The following MRC2 variants were observed in gnomAD, a reference collection of about 807,000 sequenced individuals.
MRC2 encodes the protein C-type mannose receptor 2.
A neutral mutation model predicts 206.2 loss-of-function variants in MRC2; 84 were observed. The observed-to-expected ratio is 0.41, with a 90% CI of 0.34 to 0.49. The LOEUF (loss-of-function observed/expected upper bound fraction) is 0.49. MRC2 is among the 20% of genes least tolerant of loss of function. The pLI is 0.31. For synonymous variants in MRC2, 798 were observed against 800.0 expected, an observed-to-expected ratio of 1.00 and a Z score of 0.04; for missense variants, 1,676 against 2,001.5, an observed-to-expected ratio of 0.84 and a Z score of 3.10.
intron 1 of MRC2, among the ~76,000 whole-genome samples, chr17:62,663,246 CCCT>C (rs2088703051): frequency 6.7e-6 from 1 of 150,058 alleles, no homozygotes; most frequent in South Asian, 2.1e-4. Flanking sequence ...ATCCCTCCCT[CCCT>C]CCTTCCTCCC....
At chr17:62,655,240 C>T (rs748287147) in intron 1 of MRC2, among the ~76,000 whole-genome samples, 7 of 149,384 alleles carry the variant, frequency 4.7e-5, no homozygotes, top group Admixed American at 2.0e-4. Flanking sequence ...GAGTGGAGAT[C>T]GCTCCACTGC....
At chr17:62,629,315 T>C (rs1324417287) in intron 1 of MRC2, among the ~76,000 whole-genome samples, 2 of 151,858 alleles carry the variant, frequency 1.3e-5, no homozygotes, top group Non-Finnish European at 2.9e-5. Context: ...TGGGAGAGAG[T>C]TGTGGCCAGA....
At position 62,677,332 on chromosome 17, in the gene MRC2, A is replaced by G; in HGVS notation, c.1898A>G (p.Lys633Arg). The G allele has an allele frequency of 6.2e-7, 1 of 1,608,676 alleles. No individual in the cohort carries two copies. The change falls in exon 12 of 30, where the codon AAG becomes AGG. Residue 633 changes from lysine to arginine, a missense_variant. Around this residue, in one of 3 missense-constraint regions of MRC2, gnomAD observed 1,354 missense variants for 1,636.6 expected, o/e 0.83. Transcript: ENST00000303375. ...AGCGCCATGGGGCTGTGGGAGGTGA[A>G]GAACTGTACCTCGTTCCGGGCCCGC... Reference protein sequence around the residue: ...TGSAMGLWEVKNCTSFRARYI... With the variant: ...TGSAMGLWEVRNCTSFRARYI...
rs890199415 is a variant in MRC2 at position 62,629,325 on chromosome 17, A to G, written c.118+1405A>G. On this transcript the variant is annotated intron_variant, in intron 1 of 29. Coordinates refer to ENST00000303375, the MANE Select transcript of MRC2 (RefSeq NM_006039.5). ...GGCCCTGGGAGAGAGTTGTGGCCAG[A>G]GTGCTGACTCGGCCTTTCCCCCTGG... is the stretch of plus-strand genomic sequence containing the variant. Among the ~76,000 whole-genome samples, 17 of 152,156 alleles carry G rather than the reference A, an allele frequency of 1.1e-4. 1 individual carries two copies. The highest frequency in any genetic ancestry group is 5.2e-4 in the Admixed American group (8 of 15,278).
chr17:62,641,798 C>T (rs917766513), intron 1 of MRC2, among the ~76,000 whole-genome samples: 25 of 152,118 alleles, frequency 1.6e-4, no homozygotes, highest in African/African-American at 6.0e-4. Context: ...TCTCAAACCA[C>T]TGGAAAAACT....
intron 1 of MRC2, among the ~76,000 whole-genome samples, chr17:62,655,323 C>T (rs375535552): frequency 4.7e-5 from 7 of 148,958 alleles, no homozygotes; most frequent in African/African-American, 1.2e-4. Flanking sequence ...GGGTAGATCA[C>T]GAGGTCAGGA....
intron 1 of MRC2, among the ~76,000 whole-genome samples, chr17:62,644,467 G>T (rs1488007085): frequency 6.6e-6 from 1 of 152,206 alleles, no homozygotes; most frequent in Non-Finnish European, 1.5e-5. Flanking sequence ...GCTCACGCCT[G>T]TAATCTCAGC....
chr17:62,676,163 A>ATT, intron 10 of MRC2, among the ~76,000 whole-genome samples: 1 of 152,030 alleles, frequency 6.6e-6, no homozygotes, highest in Non-Finnish European at 1.5e-5. Context: ...GTTGTGTCTG[A>ATT]TTTTCTCTAC....
chr17:62,690,340 C>A, intron 26 of MRC2, 35 bp downstream of exon 26: 3 of 1,576,652 alleles, frequency 1.9e-6, no homozygotes, highest in Non-Finnish European at 1.7e-6. Context: ...ACATGGCGGG[C>A]AGGTGGCACC....
At chr17:62,638,737 C>CAAA (rs59450498) in intron 1 of MRC2, among the ~76,000 whole-genome samples, 13 of 85,146 alleles carry the variant, frequency 1.5e-4, no homozygotes, top group Non-Finnish European at 2.5e-4. Flanking sequence ...AACCCTGTCT[C>CAAA]AAAAAAAAAA....
At chr17:62,635,764 A>G (rs2088305904) in intron 1 of MRC2, among the ~76,000 whole-genome samples, 1 of 151,984 alleles carries the variant, frequency 6.6e-6, no homozygotes, top group Non-Finnish European at 1.5e-5. Flanking sequence ...AGCTGGGGCA[A>G]CATAACAAGA....
At chr17:62,651,060 C>T (rs1336450443) in intron 1 of MRC2, among the ~76,000 whole-genome samples, 1 of 151,916 alleles carries the variant, frequency 6.6e-6, no homozygotes, top group African/African-American at 2.4e-5. Context: ...CCTCCATTCA[C>T]AGTCATTCTG....
rs1474542870 is a variant in MRC2 at position 62,680,327 on chromosome 17, G to C, written c.2437+19G>C. The C allele has an allele frequency of 1.2e-6, 2 of 1,613,764 alleles. No homozygotes were observed. The highest frequency in any genetic ancestry group is 1.7e-6 in the Non-Finnish European group (2 of 1,179,784). ...CCCAGAGGTTGGCCGGAGTGGCGCT[G>C]GGGGACGCGGGATGGAGCGAAGGGT... is the stretch of plus-strand genomic sequence containing the variant. On this transcript the variant is annotated intron_variant, in intron 15 of 29. Coordinates refer to ENST00000303375, the MANE Select transcript of MRC2 (RefSeq NM_006039.5). This position sits in a 1 kb window ranked among gnomAD's most constrained non-coding sequence, Gnocchi z 4.8.
intron 1 of MRC2, among the ~76,000 whole-genome samples, chr17:62,658,416 C>T (rs1349508819): frequency 6.6e-6 from 1 of 152,162 alleles, no homozygotes; most frequent in Non-Finnish European, 1.5e-5. Flanking sequence ...GAAGCTGTGC[C>T]TCATGTGACA....
At chr17:62,656,496 G>C (rs1382848774) in intron 1 of MRC2, among the ~76,000 whole-genome samples, 1 of 152,220 alleles carries the variant, frequency 6.6e-6, no homozygotes, top group East Asian at 1.9e-4. Flanking sequence ...CCAGCATCTG[G>C]TTCATTTTTA....
chr17:62,664,984 C>T lies in MRC2; in HGVS notation c.520+35C>T, dbSNP rs532372081. 2 of 1,566,434 alleles carry T rather than the reference C, an allele frequency of 1.3e-6. No homozygotes were observed. The highest frequency in any genetic ancestry group is 1.7e-6 in the Non-Finnish European group (2 of 1,159,804). On this transcript the variant is annotated intron_variant, in intron 2 of 29. Transcript: ENST00000303375. This position sits in a 1 kb window ranked among gnomAD's most constrained non-coding sequence, Gnocchi z 4.7. ...CGCTTGCAGGCGGGAGGGTGGGGTC[C>T]CCGATGTCCAGGGGACTGGAGCCAT...
At position 62,680,305 on chromosome 17, in the gene MRC2, A is replaced by G. The variant is rs1432218495; in HGVS notation, c.2434A>G (p.Arg812Gly). The G allele has an allele frequency of 6.2e-7, 1 of 1,613,898 alleles. No homozygotes were observed. Among genetic ancestry groups the G allele is most frequent in the East Asian group, 2.2e-5 (1 of 44,846 alleles). ...GCTGGACTGGATCTGCAAGATCCCC[A>G]GAGGTTGGCCGGAGTGGCGCTGGGG... ...TQLDWICKIP[R>G]GTDVREPDDS... Residue 812 changes from arginine (R) to glycine (G), a missense_variant, in exon 15 of 30, where the codon AGA becomes GGA. Transcript: ENST00000303375. The surrounding 1 kb of genome is among the most constrained non-coding windows in gnomAD (Gnocchi z 4.8).
chr17:62,628,407 C>T (rs1044513460), intron 1 of MRC2, among the ~76,000 whole-genome samples: 2 of 152,126 alleles, frequency 1.3e-5, no homozygotes, highest in African/African-American at 4.8e-5. Flanking sequence ...CCCCCACCTT[C>T]CCCCCGCCCC....
chr17:62,675,829 G>A lies in MRC2; in HGVS notation c.1609G>A (p.Glu537Lys). ...WHSPSCYWLG[E>K]DQVTYSEARR... Reference sequence around the variant, plus strand: ...CAGCCCATCCTGCTACTGGCTGGGAGAAGACCAAGTGACCTACAGTGAGGC... The same window carrying A: ...CAGCCCATCCTGCTACTGGCTGGGAAAAGACCAAGTGACCTACAGTGAGGC... Residue 537 changes from glutamate (E) to lysine (K), a missense_variant, in exon 10 of 30, where the codon GAA (glutamate) becomes AAA (lysine). Transcript: ENST00000303375. This position sits in a 1 kb window ranked among gnomAD's most constrained non-coding sequence, Gnocchi z 4.1. 1.2e-6 allele frequency: 2 copies of A among 1,614,186 alleles called. No homozygotes were observed. Among genetic ancestry groups the A allele is most frequent in the East Asian group, 2.2e-5 (1 of 44,882 alleles).
Sources: allele counts gnomAD v4.1 joint callset (sites outside exome capture counted in the v4.1 genomes callset), GRCh38; gene constraint gnomAD v4.1.1; regional missense constraint gnomAD v4.1.1; non-coding constraint Gnocchi (gnomAD v3.1); transcripts MANE v1.5; gene names NCBI Gene and HGNC (gene_info 2026-07-23, HGNC 2026-07-21).